The following MTMR3 variants were observed in gnomAD, a reference collection of about 807,000 sequenced individuals.
The protein encoded by MTMR3 is phosphatidylinositol-3,5-bisphosphate 3-phosphatase MTMR3.
Under a neutral mutation model 132.4 loss-of-function variants are expected in MTMR3, and 32 were observed. The observed-to-expected ratio is 0.24, with a 90% CI of 0.18 to 0.32. The LOEUF is 0.32. Ranked by LOEUF, MTMR3 falls within the 10% of genes least tolerant of loss-of-function variation. MTMR3 has a pLI of 1.00. For synonymous variants in MTMR3, 556 were observed against 550.3 expected (o/e 1.01, Z -0.14); for missense variants, 1,216 against 1,489.6 (o/e 0.82, Z 3.02).
intron 8 of MTMR3, 126 bp from the exon 9 acceptor site, chr22:30,002,754 T>C (rs940727399): frequency 1.5e-6 from 1 of 679,400 alleles, no homozygotes; most frequent in African/African-American, 1.8e-5. Flanking sequence ...TCATTGCCTT[T>C]AACTGGTTCT....
intron 13 of MTMR3, chr22:30,013,058 T>C: frequency 4.6e-6 from 1 of 219,536 alleles, no homozygotes; most frequent in Non-Finnish European, 8.9e-6. Flanking sequence ...TAAGAGAAAT[T>C]TAGGGGAAAA....
Position 30,012,413 on chromosome 22 carries a change from T to A in MTMR3, c.1167T>A (p.Ser389=), listed in dbSNP as rs1281678837. The change falls in exon 13 of 20, where the codon TCT becomes TCA. Residue 389 remains serine, a synonymous_variant. Coordinates refer to ENST00000401950, the MANE Select transcript of MTMR3 (RefSeq NM_021090.4). ...GCACAAAATGGCTCCATCACTTGTC[T>A]GTGCTTCTGAAATCAGCGCTTCTGG... ...LESTKWLHHL[S]VLLKSALLVV... 1 of 1,614,020 alleles carries A rather than the reference T, an allele frequency of 6.2e-7. No homozygotes were observed. The highest frequency in any genetic ancestry group is 8.5e-7 in the Non-Finnish European group (1 of 1,180,010).
chr22:29,897,441 TTTTA>T (rs146436672), intron 1 of MTMR3, among the ~76,000 whole-genome samples: 16 of 151,922 alleles, frequency 1.1e-4, no homozygotes, highest in Admixed American at 2.6e-4. Context: ...TTAAGTATGT[TTTTA>T]TTTATTTATT....
intron 1 of MTMR3, among the ~76,000 whole-genome samples, chr22:29,903,872 C>G (rs879703713): frequency 6.6e-6 from 1 of 152,198 alleles, no homozygotes; most frequent in Admixed American, 6.5e-5. Context: ...GGATATTACA[C>G]TTGAAATATG....
At chr22:30,018,293 T>C (rs1419905569) in intron 16 of MTMR3, 44 of 500,862 alleles carry the variant, frequency 8.8e-5, no homozygotes, top group Non-Finnish European at 1.0e-5. Context: ...TCATGTTGTT[T>C]TGCATACACT....
chr22:29,912,232 T>A (rs546445130), intron 1 of MTMR3, among the ~76,000 whole-genome samples: 2 of 152,366 alleles, frequency 1.3e-5, no homozygotes, highest in Admixed American at 6.5e-5. Context: ...TTGATGTGGC[T>A]AATTAGGTAT....
Position 29,978,828 on chromosome 22 carries a change from T to C in MTMR3, c.94-108T>C, listed in dbSNP as rs79846481. ...TTCCTTATCTACTTATGTGCTGTGTTTTCAACTTCAGTGGCAGAGGATTTA... is the reference window on the plus strand; with the variant it reads ...TTCCTTATCTACTTATGTGCTGTGTCTTCAACTTCAGTGGCAGAGGATTTA... On this transcript the variant is annotated intron_variant, in intron 4 of 19. Coordinates refer to ENST00000401950, the MANE Select transcript of MTMR3 (RefSeq NM_021090.4). 72 of 848,984 alleles carry C rather than the reference T, an allele frequency of 8.5e-5. No homozygotes were observed. In the African/African-American group the frequency reaches 1.2e-3, roughly 14 times the overall value. The allele number at this position is 848,984 out of a possible 1,614,324, so 52.6% of individuals were successfully genotyped here.
Position 30,013,557 on chromosome 22 carries a change from T to G in MTMR3, c.1503+16T>G. The G allele has an allele frequency of 6.2e-7, 1 of 1,611,240 alleles. No homozygotes were observed. The highest frequency in any genetic ancestry group is 8.5e-7 in the Non-Finnish European group (1 of 1,178,226). On this transcript the variant is annotated intron_variant, in intron 14 of 19. Coordinates refer to ENST00000401950, the MANE Select transcript of MTMR3 (RefSeq NM_021090.4). Reference sequence around the variant, plus strand: ...AGCATTCCTTGTAAGTTTCTTCATTTTGGGGACTTTCTCAATTTGAAGGAG... The same window carrying G: ...AGCATTCCTTGTAAGTTTCTTCATTGTGGGGACTTTCTCAATTTGAAGGAG...
rs568399087 is a variant in MTMR3 at position 29,997,252 on chromosome 22, A to G, written c.461-1509A>G. 5.3e-5 allele frequency: 8 copies of G among 150,994 alleles called. No homozygotes were observed. In the South Asian group the frequency reaches 1.7e-3, roughly 31 times the overall value. The allele number at this position is 150,994 out of a possible 1,614,324, so 9.4% of individuals were successfully genotyped here. ...AATGTATAATACCTAGCTTGAGCTCAAGAAAAGCAGTTTAAATGGGAAGTA... is the reference window on the plus strand; with the variant it reads ...AATGTATAATACCTAGCTTGAGCTCGAGAAAAGCAGTTTAAATGGGAAGTA... On this transcript the variant is annotated intron_variant, in intron 7 of 19. Coordinates refer to ENST00000401950, the MANE Select transcript of MTMR3 (RefSeq NM_021090.4).
chr22:30,009,278 G>C, intron 12 of MTMR3, 149 bp downstream of exon 12: 3 of 614,754 alleles, frequency 4.9e-6, no homozygotes, highest in Non-Finnish European at 8.6e-6. Context: ...TACCAGACCA[G>C]TCTCTGCAAG....
rs373585199 is a variant in MTMR3 at position 29,994,090 on chromosome 22, C to G, written c.460+2420C>G. ...CTGAAGATCAAATCTGTTAATGCTG[C>G]AGAGTTCAATTCAGTAAATGTTTAA... On this transcript the variant is annotated intron_variant, in intron 7 of 19. Transcript: ENST00000401950. The G allele has an allele frequency of 3.9e-5, 38 of 985,194 alleles. No individual in the cohort carries two copies. In the East Asian group the frequency reaches 1.2e-3, roughly 32 times the overall value. The allele number at this position is 985,194 out of a possible 1,614,324, so 61.0% of individuals were successfully genotyped here.
intron 1 of MTMR3, among the ~76,000 whole-genome samples, chr22:29,893,326 C>A (rs1244501378): frequency 1.3e-5 from 2 of 152,182 alleles, no homozygotes; most frequent in African/African-American, 4.8e-5. Context: ...CTCTTAATGT[C>A]ATTCCTTTCA....
chr22:29,911,735 T>C (rs2065217603), intron 1 of MTMR3, among the ~76,000 whole-genome samples: 1 of 152,140 alleles, frequency 6.6e-6, no homozygotes, highest in Non-Finnish European at 1.5e-5. Context: ...TCAGTTTATA[T>C]ATGAGATAAT....
rs761379490 is a variant in MTMR3 at position 30,020,648 on chromosome 22, C to A, written c.2989C>A (p.His997Asn). ...CTTGCACCACAAGTGGCTGCATAGC[C>A]ACTCAGGAAGGCCATCTGCAACCAG... is the stretch of plus-strand genomic sequence containing the variant. ...RNLHHKWLHS[H>N]SGRPSATSSP... Residue 997 changes from histidine (H) to asparagine (N), a missense_variant, in exon 17 of 20, where the codon CAC (histidine) becomes AAC (asparagine). Coordinates refer to ENST00000401950, the MANE Select transcript of MTMR3 (RefSeq NM_021090.4). 6.2e-7 allele frequency: 1 copy of A among 1,614,216 alleles called. No homozygotes were observed. Among genetic ancestry groups the A allele is most frequent in the South Asian group, 1.1e-5 (1 of 91,086 alleles).
At chr22:29,959,589 G>C (rs1250331930) in intron 2 of MTMR3, among the ~76,000 whole-genome samples, 1 of 151,972 alleles carries the variant, frequency 6.6e-6, no homozygotes, top group Non-Finnish European at 1.5e-5. Context: ...ATGTTGGCCA[G>C]GCTGGTCTCG....
chr22:29,933,215 G>T (rs1444629220), intron 1 of MTMR3, among the ~76,000 whole-genome samples: 1 of 151,972 alleles, frequency 6.6e-6, no homozygotes, highest in East Asian at 1.9e-4. Context: ...TGATCCACCT[G>T]CCTCGGCCTC....
chr22:29,969,444 C>T (rs747809112), intron 2 of MTMR3, among the ~76,000 whole-genome samples: 5 of 152,202 alleles, frequency 3.3e-5, no homozygotes, highest in Middle Eastern at 3.4e-3. Flanking sequence ...GGGTTAATGA[C>T]GCTTTCTAAT....
At chr22:29,991,406 A>G in intron 6 of MTMR3, 98 bp from the exon 7 acceptor site, 1 of 1,241,152 alleles carries the variant, frequency 8.1e-7, no homozygotes, top group Non-Finnish European at 1.1e-6. Flanking sequence ...TGTAGTTCCC[A>G]CTTCACTACG....
chr22:29,910,750 TCTTTCTCATATTTACC>T (rs2065196279), intron 1 of MTMR3, among the ~76,000 whole-genome samples: 1 of 152,022 alleles, frequency 6.6e-6, no homozygotes, highest in South Asian at 2.1e-4. Flanking sequence ...ACTTTTTTTT[TCTTTCTCATATTTACC>T]CCTGCCTAAG....
Sources: gnomAD v4.1 joint callset for allele counts (sites outside exome capture counted in the v4.1 genomes callset) on GRCh38, gnomAD v4.1.1 for gene constraint, MANE v1.5 for transcripts, NCBI Gene and HGNC (gene_info 2026-07-23, HGNC 2026-07-21) for gene names.